Variants in SCG3 observed in about 807,000 individuals in gnomAD.
The protein encoded by SCG3 is secretogranin-3.
Under a neutral mutation model 56.2 loss-of-function variants are expected in SCG3, and 38 were observed. That is an observed-to-expected ratio of 0.68 (90% CI 0.52 to 0.89). The LOEUF (loss-of-function observed/expected upper bound fraction) is 0.89, where lower values mean the gene tolerates loss of function less well. Among genes scored for constraint, SCG3 ranks in the 40% least tolerant of loss-of-function variants. The probability of loss-of-function intolerance (pLI) is 0.00; values close to 1 mark genes in which losing one functional copy is unlikely to be tolerated. For missense variants in SCG3, 524 were observed against 540.7 expected (o/e 0.97, Z 0.31); for synonymous variants, 176 against 184.2 (o/e 0.96, Z 0.36).
chr15:51,716,484 A>G (rs2055456649), intron 11 of SCG3, among the ~76,000 whole-genome samples: 1 of 152,232 alleles, frequency 6.6e-6, no homozygotes, highest in African/African-American at 2.4e-5. Context: ...CTACAAGGCT[A>G]TGGAATGGTC....
intron 9 of SCG3, among the ~76,000 whole-genome samples, chr15:51,700,799 A>G (rs919176379): frequency 1.7e-5 from 2 of 118,788 alleles, no homozygotes; most frequent in African/African-American, 6.5e-5. Context: ...TCTAATGGCA[A>G]GGTGTGGCAG....
chr15:51,704,758 G>A (rs1445868511), intron 10 of SCG3, among the ~76,000 whole-genome samples: 1 of 39,606 alleles, frequency 2.5e-5, no homozygotes, highest in Non-Finnish European at 6.9e-5. Context: ...GCTGTTGTGA[G>A]TAATACATAT....
In SCG3 at chr15:51,692,278, C is replaced by A. The variant is rs774134764; in HGVS notation, c.810C>A (p.Asn270Lys). The A allele has an allele frequency of 5.6e-6, 9 of 1,614,044 alleles. No homozygotes were observed. In the South Asian group the frequency reaches 9.9e-5, roughly 18 times the overall value. The change falls in exon 7 of 12, where the codon AAC becomes AAA. Residue 270 changes from asparagine (N) to lysine (K), a missense_variant. Asn to Lys is a moderately conservative substitution (Grantham distance 94). Coordinates refer to ENST00000220478, the MANE Select transcript of SCG3 (RefSeq NM_013243.4). Reference protein sequence around the residue: ...ERRTKTYSEDNFEELQYFPNF... With the variant: ...ERRTKTYSEDKFEELQYFPNF... ...GAACTAAAACCTACAGTGAAGACAA[C>A]TTTGAGGAACTCCAATATTTCCCAA...
chr15:51,692,463 G>C, intron 7 of SCG3, 127 bp downstream of exon 7: 1 of 802,522 alleles, frequency 1.2e-6, no homozygotes, highest in Non-Finnish European at 1.8e-6. Flanking sequence ...TGTGGGCTTG[G>C]GGAAAAGGGT....
At chr15:51,688,734 A>G (rs1454808532) in intron 5 of SCG3, among the ~76,000 whole-genome samples, 1 of 152,224 alleles carries the variant, frequency 6.6e-6, no homozygotes. Context: ...GGATATAACC[A>G]GCAGAGGTAA....
rs567741373 is a variant in SCG3, at chr15:51,682,708, C to T, written c.135+139C>T. The T allele has an allele frequency of 9.6e-5, 57 of 594,354 alleles. 1 individual carries two copies. Among genetic ancestry groups the T allele is most frequent in the South Asian group, 2.3e-4 (9 of 39,626 alleles). The allele number at this position is 594,354 out of a possible 1,614,324, so 36.8% of individuals were successfully genotyped here. A position where few individuals can be genotyped will look rare whatever the true frequency, so the allele number is the denominator to read the frequency against. On this transcript the variant is annotated intron_variant, in intron 2 of 11. Transcript: ENST00000220478. Reference sequence around the variant, plus strand: ...AATAGTTAATTGACAGAAATTAGGACGGGAAATCTAGTTTTGGTAAATTCT... The same window carrying T: ...AATAGTTAATTGACAGAAATTAGGATGGGAAATCTAGTTTTGGTAAATTCT...
At chr15:51,700,882 A>T (rs1395285759) in intron 9 of SCG3, among the ~76,000 whole-genome samples, 1 of 151,972 alleles carries the variant, frequency 6.6e-6, no homozygotes, top group African/African-American at 2.4e-5. Context: ...TCTAAAGTCA[A>T]CTCATGGGAT....
In SCG3 at chr15:51,719,510, T is replaced by C; in HGVS notation, c.1391T>C (p.Ile464Thr). 6.2e-7 allele frequency: 1 copy of C among 1,613,136 alleles called. No individual in the cohort carries two copies. Among genetic ancestry groups the C allele is most frequent in the Non-Finnish European group, 8.5e-7 (1 of 1,179,270 alleles). The change falls in exon 12 of 12, where the codon ATT becomes ACT. Residue 464 changes from isoleucine to threonine, a missense_variant. Physicochemically the swap from Ile to Thr is moderately conservative, Grantham distance 89. Transcript: ENST00000220478. ...DKEEAEAIKRIYSSL is the reference protein window; with the variant it reads ...DKEEAEAIKRTYSSL ...GAAGAAGCCGAGGCCATCAAGCGCA[T>C]TTATAGCAGCCTGTAAAAATGGCAA... is the stretch of plus-strand genomic sequence containing the variant.
chr15:51,694,289 C>G (rs1172321940), intron 7 of SCG3, among the ~76,000 whole-genome samples: 3 of 151,620 alleles, frequency 2.0e-5, no homozygotes, highest in African/African-American at 7.3e-5. Flanking sequence ...AACATAGCTT[C>G]ATGTGAGAGC....
chr15:51,687,666 A>G (rs2055237937), intron 4 of SCG3, among the ~76,000 whole-genome samples: 2 of 152,220 alleles, frequency 1.3e-5, no homozygotes, highest in Non-Finnish European at 2.9e-5. Flanking sequence ...GAGTTTTGTC[A>G]CCTTAAGCTG....
intron 10 of SCG3, among the ~76,000 whole-genome samples, chr15:51,703,149 T>C (rs2055349654): frequency 6.6e-6 from 1 of 152,170 alleles, no homozygotes; most frequent in Admixed American, 6.5e-5. Flanking sequence ...TTGTTCCTTG[T>C]TATGATGTGA....
chr15:51,684,962 C>T (rs10519314), intron 4 of SCG3, among the ~76,000 whole-genome samples: 3,235 of 152,266 alleles, frequency 0.021, 93 homozygotes, highest in East Asian at 0.095. Flanking sequence ...TTTTGAGAAC[C>T]AGTGCTTAGG....
chr15:51,688,924 C>A (rs1222589871), intron 5 of SCG3, among the ~76,000 whole-genome samples: 3 of 152,102 alleles, frequency 2.0e-5, no homozygotes, highest in African/African-American at 7.2e-5. Context: ...CTGACTATGA[C>A]CCAAAGCTGT....
In SCG3 at chr15:51,719,719, A is replaced by G. The variant is rs2055483783; in HGVS notation, c.*193A>G. ...AAAAACTATCTGAAAGTAAAGTTGT[A>G]TGTAAGCTGAGATTTTGTATACAGA... On this transcript the variant is annotated 3_prime_UTR_variant, in exon 12 of 12. Coordinates refer to ENST00000220478, the MANE Select transcript of SCG3 (RefSeq NM_013243.4). 5.4e-6 allele frequency: 3 copies of G among 556,810 alleles called. No homozygotes were observed. The highest frequency in any genetic ancestry group is 9.5e-6 in the Non-Finnish European group (3 of 315,124). The allele number at this position is 556,810 out of a possible 1,614,324, so 34.5% of individuals were successfully genotyped here.
intron 10 of SCG3, among the ~76,000 whole-genome samples, chr15:51,709,690 T>C (rs1175559445): frequency 1.0e-4 from 2 of 19,060 alleles, no homozygotes; most frequent in Non-Finnish European, 1.2e-4. Context: ...TATATATATA[T>C]ATATATATAT....
intron 10 of SCG3, among the ~76,000 whole-genome samples, chr15:51,709,305 C>T (rs2055396529): frequency 6.6e-6 from 1 of 152,048 alleles, no homozygotes; most frequent in Admixed American, 6.5e-5. Context: ...CTACTGGGTC[C>T]CTCCCATGAC....
Position 51,689,388 on chromosome 15 carries a change from C to A in SCG3, c.690+20C>A. 1 of 1,562,988 alleles carries A rather than the reference C, an allele frequency of 6.4e-7. No homozygotes were observed. The highest frequency in any genetic ancestry group is 1.1e-5 in the South Asian group (1 of 88,062). ...AAAGTGGTATGTATGTGTATATATGCATATGCATGGGGGTGTGTGTGTGTG... is the reference window on the plus strand; with the variant it reads ...AAAGTGGTATGTATGTGTATATATGAATATGCATGGGGGTGTGTGTGTGTG... On this transcript the variant is annotated intron_variant, in intron 6 of 11. Transcript: ENST00000220478.
intron 7 of SCG3, chr15:51,693,924 T>C (rs1401593496): frequency 6.6e-6 from 1 of 152,186 alleles, no homozygotes; most frequent in African/African-American, 2.4e-5. Flanking sequence ...GCCAAATACT[T>C]CTACGGATGT....
intron 6 of SCG3, 49 bp from the exon 7 acceptor site, chr15:51,692,110 A>G (rs1229620005): frequency 6.6e-7 from 1 of 1,520,222 alleles, no homozygotes. Context: ...CTGGAGTTTC[A>G]CTAGTTCTAA....
Sources: allele counts gnomAD v4.1 joint callset (sites outside exome capture counted in the v4.1 genomes callset), GRCh38; gene constraint gnomAD v4.1.1; transcripts MANE v1.5; gene names NCBI Gene and HGNC (gene_info 2026-07-23, HGNC 2026-07-21).